Variants in TTBK1 observed in about 807,000 individuals in gnomAD.
TTBK1 encodes the protein tau tubulin kinase 1.
In TTBK1, 34 loss-of-function variants were observed where a neutral mutation model predicts 108.5. The observed-to-expected ratio is 0.31, with a 90% CI of 0.24 to 0.42. The LOEUF is 0.42. Ranked by LOEUF, TTBK1 falls within the 10% of genes least tolerant of loss-of-function variation. The pLI is 1.00. For missense variants in TTBK1, 1,539 were observed against 1,826.0 expected (o/e 0.84, Z 2.86); for synonymous variants, 809 against 795.1 (o/e 1.02, Z -0.29).
At chr6:43,258,893 G>C in intron 10 of TTBK1, 145 bp from the exon 11 acceptor site, 4 of 607,278 alleles carry the variant, frequency 6.6e-6, no homozygotes, top group Non-Finnish European at 1.2e-5. Flanking sequence ...ATGGTGATGG[G>C]CCTAGGGACA....
chr6:43,252,563 A>G (rs1441737856), intron 2 of TTBK1, among the ~76,000 whole-genome samples, 176 bp from the exon 3 acceptor site: 1 of 151,552 alleles, frequency 6.6e-6, no homozygotes, highest in Non-Finnish European at 1.5e-5. Context: ...CGGAGGTTGC[A>G]GTGAGCCGAG....
rs368289252 is a variant in TTBK1 at position 43,281,824 on chromosome 6, G to T, written c.1987-903G>T. Among the ~76,000 whole-genome samples the T allele has an allele frequency of 3.9e-5, 6 of 152,160 alleles. No homozygotes were observed. The East Asian group carries it at 5.8e-4, about 15-fold the overall frequency. ...AGCCCTGATGCGCCCAGGGCATTGC[G>T]GGTGCCTGGGGATGTCTGTGTATTG... On this transcript the variant is annotated intron_variant, in intron 13 of 14. Coordinates refer to ENST00000259750, the MANE Select transcript of TTBK1 (RefSeq NM_032538.3).
rs570059308 is a variant in TTBK1, at chr6:43,285,569, G to A, written c.*193G>A. On this transcript the variant is annotated 3_prime_UTR_variant, in exon 15 of 15. Transcript: ENST00000259750. This position sits in a 1 kb window ranked among gnomAD's most constrained non-coding sequence, Gnocchi z 4.7. ...CCGCCAGGCCTTAGGGCCCGTGGGG[G>A]ACGCGGCCCCGCGCCGCGGGGAGGG... 236 of 643,508 alleles carry A rather than the reference G, an allele frequency of 3.7e-4. 1 individual carries two copies. Among genetic ancestry groups the A allele is most frequent in the African/African-American group, 2.6e-3 (136 of 52,384 alleles). The allele number at this position is 643,508 out of a possible 1,614,324, so 39.9% of individuals were successfully genotyped here.
chr6:43,283,430 C>A lies in TTBK1; in HGVS notation c.2690C>A (p.Pro897His). 20 of 1,613,466 alleles carry A rather than the reference C, an allele frequency of 1.2e-5. No individual in the cohort carries two copies. Among genetic ancestry groups the A allele is most frequent in the Non-Finnish European group, 1.6e-5 (19 of 1,179,710 alleles). Reference sequence around the variant, plus strand: ...TCTGTCCTCAAGTCTGAGCCCAAGCCCCCGGGGCCTGGGGCAGGGCTGGGG... The same window carrying A: ...TCTGTCCTCAAGTCTGAGCCCAAGCACCCGGGGCCTGGGGCAGGGCTGGGG... ...LSSVLKSEPK[P>H]PGPGAGLGAG... is the part of the protein sequence containing the mutation. Residue 897 changes from proline (P) to histidine (H), a missense_variant, in exon 14 of 15, where the codon CCC becomes CAC. This residue lies in a region of TTBK1 where 1,055 missense variants were observed against 1,086.5 expected (regional missense o/e 0.97). Coordinates refer to ENST00000259750, the MANE Select transcript of TTBK1 (RefSeq NM_032538.3). The surrounding 1 kb of genome is among the most constrained non-coding windows in gnomAD (Gnocchi z 8.1).
At chr6:43,254,422 C>T in intron 5 of TTBK1, 125 bp from the exon 6 acceptor site, 1 of 628,942 alleles carries the variant, frequency 1.6e-6, no homozygotes, top group East Asian at 3.1e-5. Context: ...ACTGACGTTT[C>T]CTTGCGGGCG....
Position 43,268,722 on chromosome 6 carries a change from C to T in TTBK1, c.1986+5372C>T, listed in dbSNP as rs538913708. The stretch of plus-strand genomic sequence containing the variant: ...AGGATTCTTCCAGAAGGCGATGAGG[C>T]AGCAGTTCTGCCCAGCCCTGTACAC... On this transcript the variant is annotated intron_variant, in intron 13 of 14. Coordinates refer to ENST00000259750, the MANE Select transcript of TTBK1 (RefSeq NM_032538.3). Among the ~76,000 whole-genome samples, 4 of 152,330 alleles carry T rather than the reference C, an allele frequency of 2.6e-5. No individual in the cohort carries two copies. In the South Asian group the frequency reaches 6.2e-4, roughly 24 times the overall value.
Position 43,255,826 on chromosome 6 carries a change from C to T in TTBK1, c.831C>T (p.Ser277=). ...ACCTCTTCCTGGACCACATTGCCAG[C>T]CTCGACTACTTCACCAAGCCCGACT... ...EFHLFLDHIA[S]LDYFTKPDYQ... Residue 277 remains serine, a synonymous_variant, in exon 9 of 15, where the codon AGC becomes AGT. Transcript: ENST00000259750. 2 of 1,614,146 alleles carry T rather than the reference C, an allele frequency of 1.2e-6. No individual in the cohort carries two copies. The highest frequency in any genetic ancestry group is 3.3e-5 in the Admixed American group (2 of 60,022).
chr6:43,274,234 C>T (rs562217434), intron 13 of TTBK1, among the ~76,000 whole-genome samples: 23 of 152,316 alleles, frequency 1.5e-4, no homozygotes, highest in Admixed American at 7.8e-4. Flanking sequence ...CTGAACCCAA[C>T]GATATCCCTT....
intron 13 of TTBK1, among the ~76,000 whole-genome samples, chr6:43,281,527 A>C (rs964364893): frequency 1.3e-5 from 2 of 152,116 alleles, no homozygotes; most frequent in African/African-American, 4.8e-5. Flanking sequence ...AATGGAGAGA[A>C]CAGGCCGGTG....
chr6:43,283,753 A>G lies in TTBK1; in HGVS notation c.3013A>G (p.Thr1005Ala). Residue 1005 changes from threonine (T) to alanine (A), a missense_variant, in exon 14 of 15, where the codon ACC becomes GCC. Around this residue, in one of 5 missense-constraint regions of TTBK1, gnomAD observed 1,055 missense variants for 1,086.5 expected, o/e 0.97. Coordinates refer to ENST00000259750, the MANE Select transcript of TTBK1 (RefSeq NM_032538.3). The surrounding 1 kb of genome is among the most constrained non-coding windows in gnomAD (Gnocchi z 8.1). ...GSALSGAPRE[T>A]PSEMATNSLP... Reference sequence around the variant, plus strand: ...TGCCCTGTCTGGGGCCCCCCGGGAAACCCCCTCAGAGATGGCCACAAACTC... The same window carrying G: ...TGCCCTGTCTGGGGCCCCCCGGGAAGCCCCCTCAGAGATGGCCACAAACTC... 2 of 1,608,322 alleles carry G rather than the reference A, an allele frequency of 1.2e-6. No individual in the cohort carries two copies. The highest frequency in any genetic ancestry group is 1.7e-6 in the Non-Finnish European group (2 of 1,177,574).
chr6:43,257,227 T>C lies in TTBK1; in HGVS notation c.862-585T>C, dbSNP rs573304895. Among the ~76,000 whole-genome samples, 10 of 152,314 alleles carry C rather than the reference T, an allele frequency of 6.6e-5. No homozygotes were observed. The highest frequency in any genetic ancestry group is 2.2e-4 in the African/African-American group (9 of 41,568). On this transcript the variant is annotated intron_variant, in intron 9 of 14. Coordinates refer to ENST00000259750, the MANE Select transcript of TTBK1 (RefSeq NM_032538.3). The surrounding 1 kb of genome is among the most constrained non-coding windows in gnomAD (Gnocchi z 4.5). Reference sequence around the variant, plus strand: ...GCCTGGCAGAGACGCCCCCTGATCTTGGCTTAGCCTCATGGGATCCCCAAA... The same window carrying C: ...GCCTGGCAGAGACGCCCCCTGATCTCGGCTTAGCCTCATGGGATCCCCAAA...
intron 2 of TTBK1, 107 bp downstream of exon 2, chr6:43,246,875 G>C: frequency 1.2e-6 from 1 of 808,664 alleles, no homozygotes; most frequent in Non-Finnish European, 2.0e-6. Flanking sequence ...TAAGAGGGAG[G>C]TGCCTCTAAG....
chr6:43,257,891 G>A lies in TTBK1; in HGVS notation c.941G>A (p.Gly314Asp), dbSNP rs768875168. The stretch of plus-strand genomic sequence containing the variant: ...GAGGCCTTTGACTGGGAGAAGGCAG[G>A]CACCGATGCCCTCCTGTCCACGAGC... ...ENEAFDWEKA[G>D]TDALLSTSTS... The change falls in exon 10 of 15, where the codon GGC becomes GAC. Residue 314 changes from glycine to aspartate, a missense_variant. By Grantham distance (94) the Gly-to-Asp change is moderately conservative. Transcript: ENST00000259750. The surrounding 1 kb of genome is among the most constrained non-coding windows in gnomAD (Gnocchi z 4.5). 19 of 1,613,892 alleles carry A rather than the reference G, an allele frequency of 1.2e-5. No individual in the cohort carries two copies. Among genetic ancestry groups the A allele is most frequent in the Non-Finnish European group, 1.6e-5 (19 of 1,180,012 alleles).
rs978976682 is a variant in TTBK1, at chr6:43,287,518, C to G, written c.*2142C>G. 1 of 152,390 alleles carries G rather than the reference C, an allele frequency of 6.6e-6. No homozygotes were observed. Among genetic ancestry groups the G allele is most frequent in the East Asian group, 1.9e-4 (1 of 5,188 alleles). The allele number at this position is 152,390 out of a possible 1,614,324, so 9.4% of individuals were successfully genotyped here. A position where few individuals can be genotyped will look rare whatever the true frequency, so the allele number is the denominator to read the frequency against. On this transcript the variant is annotated 3_prime_UTR_variant, in exon 15 of 15. Coordinates refer to ENST00000259750, the MANE Select transcript of TTBK1 (RefSeq NM_032538.3). This position sits in a 1 kb window ranked among gnomAD's most constrained non-coding sequence, Gnocchi z 4.1. ...CACTCAGCACTGGAGCTGGCAGAGACGCAAAACCCAGTCTGCCCTTGGGAT... is the reference window on the plus strand; with the variant it reads ...CACTCAGCACTGGAGCTGGCAGAGAGGCAAAACCCAGTCTGCCCTTGGGAT...
In TTBK1 at chr6:43,284,067, C is replaced by T. The variant is rs1778280205; in HGVS notation, c.3327C>T (p.Ala1109=). ...TGCTGTTGCGGCTGGCCTCAGGGGCCTCGTCCTCCTCCAGTGAGGAGCAGC... is the reference window on the plus strand; with the variant it reads ...TGCTGTTGCGGCTGGCCTCAGGGGCTTCGTCCTCCTCCAGTGAGGAGCAGC... ...GRLLLRLASG[A]SSSSSEEQRR... Residue 1109 remains alanine, a synonymous_variant, in exon 14 of 15, where the codon GCC becomes GCT. Transcript: ENST00000259750. 6.5e-7 allele frequency: 1 copy of T among 1,539,276 alleles called. No individual in the cohort carries two copies. The highest frequency in any genetic ancestry group is 8.8e-7 in the Non-Finnish European group (1 of 1,141,792).
intron 5 of TTBK1, among the ~76,000 whole-genome samples, chr6:43,254,281 G>A (rs1777325826): frequency 6.6e-6 from 1 of 152,266 alleles, no homozygotes; most frequent in Non-Finnish European, 1.5e-5. Context: ...ACGTGGCTGA[G>A]TCACCACTTG....
intron 13 of TTBK1, chr6:43,271,356 A>T: frequency 2.0e-6 from 2 of 985,444 alleles, no homozygotes; most frequent in Non-Finnish European, 2.4e-6. Flanking sequence ...TGCACTGTGT[A>T]ATTCCAGGAA....
chr6:43,251,272 G>A (rs1472981485), intron 2 of TTBK1, among the ~76,000 whole-genome samples: 1 of 152,174 alleles, frequency 6.6e-6, no homozygotes, highest in South Asian at 2.1e-4. Flanking sequence ...GACGTTCGGG[G>A]CGGGTTCAGA....
At position 43,253,853 on chromosome 6, in the gene TTBK1, CCTT is replaced by C; in HGVS notation, c.471+147_471+149del. ...CTTCTCCCCAAGCCCCTCCTGCTCTCCTTCCCAGGCCCCATCTCTTCCTCTCCC... is the reference window on the plus strand; with the variant it reads ...CTTCTCCCCAAGCCCCTCCTGCTCTCCCCAGGCCCCATCTCTTCCTCTCCC... On this transcript the variant is annotated intron_variant, in intron 5 of 14. Transcript: ENST00000259750. The surrounding 1 kb of genome is among the most constrained non-coding windows in gnomAD (Gnocchi z 5.8). 9.1e-7 allele frequency: 1 copy of C among 1,095,298 alleles called. No individual in the cohort carries two copies. Among genetic ancestry groups the C allele is most frequent in the African/African-American group, 1.6e-5 (1 of 63,132 alleles). The allele number at this position is 1,095,298 out of a possible 1,614,324, so 67.8% of individuals were successfully genotyped here.
Sources: gnomAD v4.1 joint callset for allele counts (sites outside exome capture counted in the v4.1 genomes callset) on GRCh38, gnomAD v4.1.1 for gene constraint, gnomAD v4.1.1 regional missense constraint, Gnocchi (gnomAD v3.1) non-coding constraint, MANE v1.5 for transcripts, NCBI Gene and HGNC (gene_info 2026-07-23, HGNC 2026-07-21) for gene names.